Variants in LOC128462377 observed in about 807,000 individuals in gnomAD.
the LOC128462377 span, among the ~76,000 whole-genome samples, chr16:89,340,674 G>A: frequency 6.6e-6 from 1 of 152,164 alleles, no homozygotes; most frequent in Non-Finnish European, 1.5e-5. Context: ...TACAAAAAGA[G>A]ACAATATAAT....
At chr16:89,322,554 G>C in the LOC128462377 span, among the ~76,000 whole-genome samples, 2 of 152,212 alleles carry the variant, frequency 1.3e-5, no homozygotes, top group South Asian at 4.1e-4. Flanking sequence ...AAAGGGGAGG[G>C]AAGCCCTTCA....
the LOC128462377 span, among the ~76,000 whole-genome samples, chr16:89,335,546 G>A: frequency 5.3e-5 from 8 of 152,228 alleles, no homozygotes; most frequent in Non-Finnish European, 1.2e-4. Context: ...AAGCCTGTGC[G>A]TGCTGCCTCA....
chr16:89,329,932 G>A, the LOC128462377 span, among the ~76,000 whole-genome samples: 4 of 152,038 alleles, frequency 2.6e-5, no homozygotes, highest in Admixed American at 6.5e-5. Context: ...AGAGGCTGCC[G>A]TGAGCAGAGA....
chr16:89,345,369 G>T, the LOC128462377 span, among the ~76,000 whole-genome samples: 1 of 151,870 alleles, frequency 6.6e-6, no homozygotes, highest in Non-Finnish European at 1.5e-5. Flanking sequence ...CCCATCTGGG[G>T]AGGCTCTGCC....
chr16:89,342,031 TGC>T, the LOC128462377 span, among the ~76,000 whole-genome samples: 501 of 31,224 alleles, frequency 0.016, 5 homozygotes, highest in African/African-American at 0.044. Context: ...GCACCTCCAC[TGC>T]CCACAGCGGC....
the LOC128462377 span, among the ~76,000 whole-genome samples, chr16:89,407,120 A>AGGCTGGTGAAGCCCAGGTACTCG: frequency 6.6e-6 from 1 of 151,998 alleles, no homozygotes; most frequent in South Asian, 2.1e-4. Context: ...CGGGAGGCGG[A>AGGCTGGTGAAGCCCAGGTACTCG]GGAGGCGGTG....
the LOC128462377 span, among the ~76,000 whole-genome samples, chr16:89,343,487 G>A: frequency 1.1e-4 from 16 of 152,330 alleles, no homozygotes; most frequent in African/African-American, 3.6e-4. Flanking sequence ...AACACATAAT[G>A]TATGTGTGAG....
chr16:89,381,352 A>G, the LOC128462377 span, among the ~76,000 whole-genome samples: 7,196 of 55,760 alleles, frequency 0.13, 356 homozygotes, highest in Middle Eastern at 0.19. Context: ...AAAAAAAAAA[A>G]AAGGGGTGAG....
the LOC128462377 span, among the ~76,000 whole-genome samples, chr16:89,341,833 C>A: frequency 6.6e-6 from 1 of 151,998 alleles, no homozygotes; most frequent in Admixed American, 6.6e-5. Context: ...GCAGCCACGG[C>A]CCACGGCGGG....
At chr16:89,412,966 AG>A in the LOC128462377 span, among the ~76,000 whole-genome samples, 3 of 152,106 alleles carry the variant, frequency 2.0e-5, no homozygotes, top group South Asian at 2.1e-4. Context: ...AGCACACATG[AG>A]GGAAAACAGC....
At chr16:89,330,360 G>A in the LOC128462377 span, among the ~76,000 whole-genome samples, 1 of 152,052 alleles carries the variant, frequency 6.6e-6, no homozygotes, top group Non-Finnish European at 1.5e-5. Context: ...CAGGTGCTAG[G>A]GGAGCCAGTG....
chr16:89,362,980 C>T, the LOC128462377 span, among the ~76,000 whole-genome samples: 2 of 151,830 alleles, frequency 1.3e-5, no homozygotes, highest in African/African-American at 2.4e-5. Context: ...GACACAGCGT[C>T]AGGTTATAAA....
chr16:89,334,135 C>T, the LOC128462377 span, among the ~76,000 whole-genome samples: 1 of 113,658 alleles, frequency 8.8e-6, no homozygotes, highest in Admixed American at 9.9e-5. Context: ...ATGATGAAAC[C>T]CTGTGTTTTA....
At chr16:89,370,525 C>T in the LOC128462377 span, 2 of 152,442 alleles carry the variant, frequency 1.3e-5, no homozygotes, top group African/African-American at 4.8e-5. Context: ...AGACCAGAGG[C>T]TGGAGCACAC....
chr16:89,394,642 A>C, the LOC128462377 span, among the ~76,000 whole-genome samples: 1 of 148,092 alleles, frequency 6.8e-6, no homozygotes, highest in Admixed American at 6.7e-5. Context: ...AAAAAAAAAA[A>C]CAAACAACCT....
chr16:89,407,672 C>G, the LOC128462377 span, among the ~76,000 whole-genome samples: 1 of 151,970 alleles, frequency 6.6e-6, no homozygotes, highest in Admixed American at 6.6e-5. Context: ...CACACATACA[C>G]ACACACACAC....
the LOC128462377 span, among the ~76,000 whole-genome samples, chr16:89,405,175 C>T: frequency 1.3e-5 from 2 of 152,016 alleles, no homozygotes; most frequent in Admixed American, 6.6e-5. Context: ...GCCTGGGCGA[C>T]AGAGCAAGAC....
chr16:89,382,364 C>T, the LOC128462377 span, among the ~76,000 whole-genome samples: 1 of 152,050 alleles, frequency 6.6e-6, no homozygotes, highest in East Asian at 1.9e-4. Context: ...CTCGTTCTGT[C>T]ACCCAGGCTG....
the LOC128462377 span, among the ~76,000 whole-genome samples, chr16:89,352,757 G>T: frequency 1.3e-5 from 2 of 152,212 alleles, no homozygotes; most frequent in African/African-American, 4.8e-5. Context: ...TGTGTGCTCA[G>T]CCAGGCAGAT....
Sources: allele counts gnomAD v4.1 joint callset (sites outside exome capture counted in the v4.1 genomes callset), GRCh38; gene constraint gnomAD v4.1.1; transcripts MANE v1.5.